COL27A1: variants seen among roughly 807,000 people sequenced by gnomAD.
The protein encoded by COL27A1 is collagen alpha-1(XXVII) chain.
A neutral mutation model predicts 251.3 loss-of-function variants in COL27A1; 106 were observed. The ratio of observed to expected loss-of-function variants is 0.42; its 90% CI spans 0.36 to 0.50. COL27A1 has a LOEUF of 0.50. Among genes scored for constraint, COL27A1 ranks in the 20% least tolerant of loss-of-function variants. COL27A1 has a pLI of 0.00. For synonymous variants in COL27A1, 1,000 were observed against 986.3 expected (o/e 1.01, Z -0.26); for missense variants, 2,325 against 2,522.8 (o/e 0.92, Z 1.68).
intron 59 of COL27A1, among the ~76,000 whole-genome samples, chr9:114,308,929 A>G (rs79799516): frequency 0.028 from 4,200 of 152,106 alleles, 145 homozygotes; most frequent in Admixed American, 0.1. Flanking sequence ...TCTTGGGCAA[A>G]ACCCTCTCCC....
intron 14 of COL27A1, 78 bp downstream of exon 14, chr9:114,222,345 G>T: frequency 7.4e-7 from 1 of 1,359,658 alleles, no homozygotes; most frequent in Non-Finnish European, 1.0e-6. Flanking sequence ...GGAGCCAGGA[G>T]CAGGCCCTGC....
At chr9:114,252,997 G>A (rs1352748871) in intron 27 of COL27A1, 65 bp downstream of exon 27, 2 of 1,346,440 alleles carry the variant, frequency 1.5e-6, no homozygotes, top group African/African-American at 2.9e-5. Flanking sequence ...GTGGCTGGGT[G>A]TGGTGGCTCA....
chr9:114,205,902 G>A, intron 9 of COL27A1, 90 bp downstream of exon 9: 2 of 1,234,568 alleles, frequency 1.6e-6, no homozygotes, highest in African/African-American at 1.5e-5. Flanking sequence ...GGTGGGCTGG[G>A]GGCCAAGGAG....
intron 36 of COL27A1, chr9:114,274,307 C>T (rs964854471): frequency 6.6e-6 from 1 of 152,046 alleles, no homozygotes; most frequent in Non-Finnish European, 1.5e-5. Context: ...AGGTCCGAAG[C>T]CCCAAGAAGA....
At chr9:114,263,030 C>T (rs1834462165) in intron 28 of COL27A1, among the ~76,000 whole-genome samples, 1 of 151,598 alleles carries the variant, frequency 6.6e-6, no homozygotes, top group Admixed American at 6.6e-5. Context: ...GCTCCGCCTC[C>T]TGGGTTCAAG....
chr9:114,309,172 C>A, intron 59 of COL27A1, 88 bp from the exon 60 acceptor site: 1 of 1,060,734 alleles, frequency 9.4e-7, no homozygotes, highest in South Asian at 1.3e-5. Flanking sequence ...GGGCCTATCC[C>A]TGTTCCCTCC....
At chr9:114,227,461 C>G (rs1831560025) in intron 14 of COL27A1, among the ~76,000 whole-genome samples, 1 of 152,108 alleles carries the variant, frequency 6.6e-6, no homozygotes, top group Non-Finnish European at 1.5e-5. Flanking sequence ...GGTTACATCA[C>G]CTGTCCCTAA....
intron 6 of COL27A1, among the ~76,000 whole-genome samples, chr9:114,195,696 C>T (rs1031132783): frequency 1.1e-4 from 16 of 152,226 alleles, no homozygotes; most frequent in Non-Finnish European, 8.8e-5. Flanking sequence ...TATCGGAACC[C>T]ATTCTTCAAG....
intron 5 of COL27A1, 85 bp downstream of exon 5, chr9:114,183,160 G>C: frequency 7.4e-7 from 1 of 1,345,708 alleles, no homozygotes; most frequent in Non-Finnish European, 1.1e-6. Context: ...TGCCTGGTGG[G>C]AGGGCTTCAG....
chr9:114,267,472 C>G (rs1293335368), intron 33 of COL27A1, 32 bp from the exon 34 acceptor site: 1 of 1,594,288 alleles, frequency 6.3e-7, no homozygotes, highest in South Asian at 1.1e-5. Flanking sequence ...GCAGCTCTTG[C>G]TCTAGGAGGG....
chr9:114,264,285 C>T lies in COL27A1; in HGVS notation c.3196-70C>T, dbSNP rs554918149. 1.0e-4 allele frequency: 135 copies of T among 1,292,130 alleles called. 2 individuals are homozygous for T. In the East Asian group the frequency reaches 2.7e-3, roughly 26 times the overall value. 80.0% of individuals were successfully genotyped at this position (1,292,130 alleles called of 1,614,324 possible). A position where few individuals can be genotyped will look rare whatever the true frequency, so the allele number is the denominator to read the frequency against. On this transcript the variant is annotated intron_variant, in intron 28 of 60. Coordinates refer to ENST00000356083, the MANE Select transcript of COL27A1 (RefSeq NM_032888.4). The stretch of plus-strand genomic sequence containing the variant: ...GAAGGCCCCAGGCTTGGAGCAGCCC[C>T]GCCCTCCTGGTTCTCCGCCCGAGGG...
chr9:114,285,191 G>T (rs968638548), intron 41 of COL27A1, among the ~76,000 whole-genome samples: 5 of 152,204 alleles, frequency 3.3e-5, no homozygotes, highest in African/African-American at 1.2e-4. Context: ...AGAGGCTTGG[G>T]ACAGAGAGCA....
chr9:114,220,795 A>T (rs1428825455), intron 13 of COL27A1, among the ~76,000 whole-genome samples: 1 of 152,054 alleles, frequency 6.6e-6, no homozygotes, highest in Non-Finnish European at 1.5e-5. Flanking sequence ...GGAGTTCAAG[A>T]CCACCCTGGC....
In COL27A1 at chr9:114,162,744, C is replaced by T. The variant is rs1289077405; in HGVS notation, c.92C>T (p.Ser31Leu). 4 of 1,613,058 alleles carry T rather than the reference C, an allele frequency of 2.5e-6. No homozygotes were observed. Among genetic ancestry groups the T allele is most frequent in the Admixed American group, 1.7e-5 (1 of 59,906 alleles). ...GGFLFSWILV[S>L]FACHLASTQG... is the part of the protein sequence containing the mutation. ...TTTCTCTTCTCCTGGATCTTAGTCT[C>T]GTTTGCCTGTCACCTGGCCTCCACC... Residue 31 changes from serine (S) to leucine (L), a missense_variant, in exon 2 of 61, where the codon TCG (serine) becomes TTG (leucine). By Grantham distance (145) the Ser-to-Leu change is moderately radical (BLOSUM62 -2). This residue lies in a region of COL27A1 where 1,183 missense variants were observed against 1,144.1 expected (regional missense o/e 1.03). Transcript: ENST00000356083.
chr9:114,164,878 C>T (rs576262774), intron 2 of COL27A1, among the ~76,000 whole-genome samples: 1 of 152,232 alleles, frequency 6.6e-6, no homozygotes, highest in Non-Finnish European at 1.5e-5. Context: ...ATGAAAGCCC[C>T]TTGGGTCCTA....
At chr9:114,194,774 G>T (rs936398343) in intron 6 of COL27A1, among the ~76,000 whole-genome samples, 1 of 152,188 alleles carries the variant, frequency 6.6e-6, no homozygotes, top group Non-Finnish European at 1.5e-5. Context: ...TTTCTGCGGG[G>T]TCTGCTAGGT....
In COL27A1 at chr9:114,155,796, G is replaced by T. The variant is rs1200271454; in HGVS notation, c.-155G>T. 1.3e-5 allele frequency: 6 copies of T among 470,294 alleles called. No individual in the cohort carries two copies. Among genetic ancestry groups the T allele is most frequent in the African/African-American group, 4.2e-5 (2 of 47,212 alleles). The allele number at this position is 470,294 out of a possible 1,614,324, so 29.1% of individuals were successfully genotyped here. ...CCGCGGGGCCCCAGCCGCGCTGCCT[G>T]CCTGCTCGGGCGCCCCTGGGCGCGG... On this transcript the variant is annotated 5_prime_UTR_variant, in exon 1 of 61. Transcript: ENST00000356083. This position sits in a 1 kb window ranked among gnomAD's most constrained non-coding sequence, Gnocchi z 5.5.
At chr9:114,278,167 A>G (rs1053064688) in intron 37 of COL27A1, among the ~76,000 whole-genome samples, 17 of 148,478 alleles carry the variant, frequency 1.1e-4, no homozygotes, top group Non-Finnish European at 1.8e-4. Flanking sequence ...TGGTGAGTGG[A>G]TGGTGTGGGT....
intron 5 of COL27A1, among the ~76,000 whole-genome samples, chr9:114,187,310 C>T (rs2135200966): frequency 1.3e-5 from 2 of 152,294 alleles, no homozygotes; most frequent in East Asian, 3.9e-4. Context: ...CTCAGCCACC[C>T]AAGGAAAATA....
Sources: gnomAD v4.1 joint callset for allele counts (sites outside exome capture counted in the v4.1 genomes callset) on GRCh38, gnomAD v4.1.1 for gene constraint, gnomAD v4.1.1 regional missense constraint, Gnocchi (gnomAD v3.1) non-coding constraint, MANE v1.5 for transcripts, NCBI Gene and HGNC (gene_info 2026-07-23, HGNC 2026-07-21) for gene names.